The following CAST variants were observed in gnomAD, a reference collection of about 807,000 sequenced individuals.
CAST encodes the protein calpastatin.
Under a neutral mutation model 119.6 loss-of-function variants are expected in CAST, and 76 were observed. The ratio of observed to expected loss-of-function variants is 0.64; its 90% CI spans 0.53 to 0.77. CAST has a LOEUF of 0.77. Among genes scored for constraint, CAST ranks in the 30% least tolerant of loss-of-function variants. The pLI, the probability that CAST is intolerant of heterozygous loss-of-function variation, is 0.00. For missense variants in CAST, 953 were observed against 946.5 expected, an observed-to-expected ratio of 1.01 and a Z score of -0.09; for synonymous variants, 319 against 331.6, an observed-to-expected ratio of 0.96 and a Z score of 0.41.
the CAST span, among the ~76,000 whole-genome samples, chr5:96,028,438 C>T: frequency 0.57 from 85,688 of 151,606 alleles, 24,626 homozygotes; most frequent in Non-Finnish European, 0.63. Context: ...TTCAGCCAAG[C>T]TTAATGATGT....
At chr5:96,605,619 G>A (rs772749201) in intron 1 of CAST, among the ~76,000 whole-genome samples, 3 of 152,192 alleles carry the variant, frequency 2.0e-5, no homozygotes, top group Non-Finnish European at 4.4e-5. Flanking sequence ...GGTAGAAGAA[G>A]AAATAATAAA....
At chr5:96,392,917 A>T in the CAST span, 2 of 1,378,688 alleles carry the variant, frequency 1.5e-6, no homozygotes, top group Non-Finnish European at 1.0e-6. Flanking sequence ...AGAATTCATG[A>T]CAAAACAACC....
chr5:96,624,043 C>T (rs1747669178), intron 1 of CAST, among the ~76,000 whole-genome samples: 5 of 152,172 alleles, frequency 3.3e-5, no homozygotes, highest in Admixed American at 3.3e-4. Context: ...GTTATTTTGG[C>T]CAGATCTAAG....
At chr5:96,515,246 C>T in the CAST span, among the ~76,000 whole-genome samples, 2 of 151,484 alleles carry the variant, frequency 1.3e-5, no homozygotes, top group African/African-American at 4.9e-5. Flanking sequence ...GCTAATTAGA[C>T]ATAAGTTGGT....
chr5:96,318,654 A>C, the CAST span: 1 of 152,226 alleles, frequency 6.6e-6, no homozygotes, highest in Non-Finnish European at 1.5e-5. Context: ...AAGACACTGC[A>C]TCTGAAGTCA....
chr5:96,302,045 G>A, the CAST span, among the ~76,000 whole-genome samples: 9 of 152,164 alleles, frequency 5.9e-5, no homozygotes, highest in African/African-American at 1.9e-4. Flanking sequence ...CTGGACATCC[G>A]GACATTTCCA....
At chr5:96,432,890 C>T in the CAST span, 11 of 1,614,040 alleles carry the variant, frequency 6.8e-6, no homozygotes, top group Non-Finnish European at 8.5e-6. Context: ...AGCCCAGCTC[C>T]TCGGCGATGG....
chr5:96,130,896 C>G, the CAST span, among the ~76,000 whole-genome samples: 1 of 152,068 alleles, frequency 6.6e-6, no homozygotes, highest in Non-Finnish European at 1.5e-5. Flanking sequence ...TACAAGCATG[C>G]AGAAAAATGG....
intron 2 of CAST, among the ~76,000 whole-genome samples, chr5:96,678,587 G>A (rs868357929): frequency 2.0e-4 from 31 of 152,182 alleles, no homozygotes; most frequent in Non-Finnish European, 2.6e-4. Context: ...GCTCATGCCT[G>A]TAATCCCAGC....
the CAST span, among the ~76,000 whole-genome samples, chr5:96,016,018 A>G: frequency 6.6e-6 from 1 of 152,124 alleles, no homozygotes; most frequent in Non-Finnish European, 1.5e-5. Flanking sequence ...TGTAAGGGAG[A>G]TTATCCTAGA....
At chr5:96,629,087 G>A (rs993709183) in intron 1 of CAST, among the ~76,000 whole-genome samples, 2 of 151,718 alleles carry the variant, frequency 1.3e-5, no homozygotes, top group Middle Eastern at 3.4e-3. Context: ...CCTTAAACCC[G>A]ATACAACAGT....
chr5:96,515,672 GC>G, the CAST span, among the ~76,000 whole-genome samples: 2 of 152,066 alleles, frequency 1.3e-5, no homozygotes, highest in African/African-American at 4.8e-5. Context: ...CTTGCCTTCT[GC>G]CTTGCAGCAA....
the CAST span, among the ~76,000 whole-genome samples, chr5:96,120,918 C>T: frequency 6.6e-6 from 1 of 151,854 alleles, no homozygotes; most frequent in Non-Finnish European, 1.5e-5. Flanking sequence ...TTGGCTTACT[C>T]TCTCACCTCC....
At chr5:96,488,400 AT>A in the CAST span, among the ~76,000 whole-genome samples, 1 of 152,246 alleles carries the variant, frequency 6.6e-6, no homozygotes, top group East Asian at 1.9e-4. Flanking sequence ...CAAAATATAC[AT>A]TGATGAACCT....
chr5:96,170,806 C>CT, the CAST span, among the ~76,000 whole-genome samples: 5 of 152,098 alleles, frequency 3.3e-5, no homozygotes, highest in African/African-American at 1.2e-4. Flanking sequence ...CTCCAGCCAC[C>CT]TTTTTAAGAG....
the CAST span, among the ~76,000 whole-genome samples, chr5:96,375,060 A>G: frequency 6.6e-6 from 1 of 152,200 alleles, no homozygotes; most frequent in Non-Finnish European, 1.5e-5. Context: ...TTTTGCTCAA[A>G]TTAGTTAGAA....
the CAST span, among the ~76,000 whole-genome samples, chr5:95,978,337 C>T: frequency 3.9e-5 from 6 of 152,192 alleles, no homozygotes; most frequent in Non-Finnish European, 7.3e-5. Flanking sequence ...TAATTATAGC[C>T]ATTCTGACTG....
At chr5:96,373,641 C>T in the CAST span, among the ~76,000 whole-genome samples, 1 of 152,202 alleles carries the variant, frequency 6.6e-6, no homozygotes, top group African/African-American at 2.4e-5. Context: ...AATAACTTAA[C>T]ATCTAACAAT....
chr5:95,971,964 T>C, the CAST span, among the ~76,000 whole-genome samples: 1 of 150,864 alleles, frequency 6.6e-6, no homozygotes, highest in Non-Finnish European at 1.5e-5. Context: ...TTATTTCTTT[T>C]TTTTTTTTTT....
Sources: allele counts gnomAD v4.1 joint callset (sites outside exome capture counted in the v4.1 genomes callset), GRCh38; gene constraint gnomAD v4.1.1; transcripts MANE v1.5; gene names NCBI Gene and HGNC (gene_info 2026-07-23, HGNC 2026-07-21).